The following RSAD1 variants were observed in gnomAD, a reference collection of about 807,000 sequenced individuals.
The protein encoded by RSAD1 is radical S-adenosyl methionine domain-containing protein 1, mitochondrial.
Under a neutral mutation model 46.2 loss-of-function variants are expected in RSAD1, and 34 were observed. The ratio of observed to expected loss-of-function variants is 0.74; its 90% CI spans 0.56 to 0.98. RSAD1 has a LOEUF of 0.98. Among genes scored for constraint, RSAD1 ranks in the 50% least tolerant of loss-of-function variants. The pLI is 0.00. For missense variants in RSAD1, 635 were observed against 592.3 expected, an observed-to-expected ratio of 1.07 and a Z score of -0.75; for synonymous variants, 260 against 253.5, an observed-to-expected ratio of 1.03 and a Z score of -0.24.
chr17:50,482,094 CT>C lies in RSAD1; in HGVS notation c.479del (p.Leu160GlnfsTer35). On this transcript the variant is annotated frameshift_variant, in exon 4 of 9. Coordinates refer to ENST00000258955, the MANE Select transcript of RSAD1 (RefSeq NM_018346.3). LOFTEE classifies it high-confidence loss of function. Reference protein sequence around the residue: ...VNRLSIGLQSLDDTELRLLGR... With the variant: ...VNRLSIGLQSXDDTELRLLGR... ...TACACCCACCCTCTTTTCCCAGTCC[CT>C]AGATGACACTGAGCTCCGGCTGTTG... The C allele has an allele frequency of 6.4e-7, 1 of 1,558,878 alleles. No individual in the cohort carries two copies. Among genetic ancestry groups the C allele is most frequent in the South Asian group, 1.2e-5 (1 of 83,576 alleles).
Position 50,478,901 on chromosome 17 carries a change from C to A in RSAD1, c.17C>A (p.Ala6Asp), listed in dbSNP as rs377346720. The change falls in exon 1 of 9, where the codon GCC (alanine) becomes GAC (aspartate). Residue 6 changes from alanine (A) to aspartate (D), a missense_variant. By Grantham distance (126) the Ala-to-Asp change is moderately radical. Coordinates refer to ENST00000258955, the MANE Select transcript of RSAD1 (RefSeq NM_018346.3). MALPG[A>D]RARGWAAAAR... ...CTGGGCGCCATGGCGCTCCCCGGAG[C>A]CCGGGCTCGCGGCTGGGCGGCAGCA... 6.8e-6 allele frequency: 9 copies of A among 1,315,952 alleles called. No individual in the cohort carries two copies. The East Asian group carries it at 2.8e-4, about 41-fold the overall frequency. The allele number at this position is 1,315,952 out of a possible 1,614,324, so 81.5% of individuals were successfully genotyped here. A position where few individuals can be genotyped will look rare whatever the true frequency, so the allele number is the denominator to read the frequency against.
At chr17:50,484,413 C>T in intron 7 of RSAD1, 29 bp from the exon 8 acceptor site, 1 of 1,604,932 alleles carries the variant, frequency 6.2e-7, no homozygotes, top group Non-Finnish European at 8.5e-7. Context: ...CAGGCCAGCT[C>T]CCCACCTCTG....
chr17:50,481,387 G>A (rs139437470), intron 3 of RSAD1, among the ~76,000 whole-genome samples: 37 of 152,372 alleles, frequency 2.4e-4, no homozygotes, highest in African/African-American at 8.7e-4. Context: ...AGTATTTAGA[G>A]GTTAGGGAGT....
intron 7 of RSAD1, chr17:50,484,128 A>T (rs906545777): frequency 3.2e-5 from 14 of 436,836 alleles, no homozygotes; most frequent in Admixed American, 1.6e-4. Flanking sequence ...GTAGATAATT[A>T]TCAAGCAAAT....
intron 8 of RSAD1, 64 bp downstream of exon 8, chr17:50,484,609 C>T: frequency 1.9e-6 from 3 of 1,559,960 alleles, no homozygotes; most frequent in Admixed American, 1.7e-5. Context: ...CTACAGCTCT[C>T]CACAGACCCA....
At position 50,482,648 on chromosome 17, in the gene RSAD1, G is replaced by A. The variant is rs764055701; in HGVS notation, c.846G>A (p.Ala282=). The A allele has an allele frequency of 3.1e-6, 5 of 1,614,042 alleles. No homozygotes were observed. The South Asian group carries it at 4.4e-5, about 14-fold the overall frequency. Residue 282 remains alanine (A), a synonymous_variant, in exon 5 of 9, where the codon GCG becomes GCA. Transcript: ENST00000258955. ...TATTTCCTCCCTCCCCGCAGGGGGCGCTCAGTACCCACAATTGGACTTACT... is the reference window on the plus strand; with the variant it reads ...TATTTCCTCCCTCCCCGCAGGGGGCACTCAGTACCCACAATTGGACTTACT... The part of the protein sequence containing the change: ...YEVSNFARNG[A]LSTHNWTYWQ...
At position 50,479,888 on chromosome 17, in the gene RSAD1, CTG is replaced by C. The variant is rs773831991; in HGVS notation, c.282_283del (p.Phe95LeufsTer38). ...CCATTCTCTTTCCCCAGGGTGGAGT[CTG>C]TGTTCTTTGGTGGGGGGACCCCCAG... is the stretch of plus-strand genomic sequence containing the variant. On this transcript the variant is annotated frameshift_variant, in exon 3 of 9. Transcript: ENST00000258955. LOFTEE classifies it high-confidence loss of function. 8.7e-5 allele frequency: 140 copies of C among 1,612,758 alleles called. 1 individual carries two copies. The South Asian group carries it at 1.5e-3, about 17-fold the overall frequency.
intron 7 of RSAD1, chr17:50,484,230 G>T (rs1021408670): frequency 3.6e-6 from 2 of 556,708 alleles, no homozygotes; most frequent in Admixed American, 3.2e-5. Flanking sequence ...GGAAGGCCTG[G>T]CTTGGCTGGA....
chr17:50,479,950 G>C lies in RSAD1; in HGVS notation c.340G>C (p.Glu114Gln). ...ASPHTVAAVL[E>Q]AVAQAAHLPA... ...TCCCCACACGGTGGCTGCTGTCCTG[G>C]AGGCTGTGGCACAGGCAGCCCACCT... is the stretch of plus-strand genomic sequence containing the variant. Residue 114 changes from glutamate (E) to glutamine (Q), a missense_variant, in exon 3 of 9, where the codon GAG becomes CAG. By Grantham distance (29) the Glu-to-Gln change is conservative (BLOSUM62 2). Coordinates refer to ENST00000258955, the MANE Select transcript of RSAD1 (RefSeq NM_018346.3). The C allele has an allele frequency of 1.2e-6, 2 of 1,614,172 alleles. No individual in the cohort carries two copies. Among genetic ancestry groups the C allele is most frequent in the Non-Finnish European group, 1.7e-6 (2 of 1,180,026 alleles).
In RSAD1 at chr17:50,482,064, A is replaced by G. The variant is rs77869179; in HGVS notation, c.475-27A>G. 3.1e-3 allele frequency: 4,653 copies of G among 1,502,588 alleles called. 148 individuals carry two copies. In the African/African-American group the frequency reaches 0.059, roughly 19 times the overall value. The allele number at this position is 1,502,588 out of a possible 1,614,324, so 93.1% of individuals were successfully genotyped here. A position where few individuals can be genotyped will look rare whatever the true frequency, so the allele number is the denominator to read the frequency against. On this transcript the variant is annotated intron_variant, in intron 3 of 8. Transcript: ENST00000258955. ...TCTTGTCTCTCTCTGAGCTGCTGGTATGCTTACACCCACCCTCTTTTCCCA... is the reference window on the plus strand; with the variant it reads ...TCTTGTCTCTCTCTGAGCTGCTGGTGTGCTTACACCCACCCTCTTTTCCCA...
chr17:50,482,632 C>T lies in RSAD1; in HGVS notation c.841-11C>T. 2 of 1,614,072 alleles carry T rather than the reference C, an allele frequency of 1.2e-6. No homozygotes were observed. Among genetic ancestry groups the T allele is most frequent in the Non-Finnish European group, 1.7e-6 (2 of 1,179,986 alleles). On this transcript the variant is annotated splice_polypyrimidine_tract_variant and intron_variant, in intron 4 of 8. Transcript: ENST00000258955. ...CCTCTTCACTCTGCACTATTTCCTCCCTCCCCGCAGGGGGCGCTCAGTACC... is the reference window on the plus strand; with the variant it reads ...CCTCTTCACTCTGCACTATTTCCTCTCTCCCCGCAGGGGGCGCTCAGTACC...
In RSAD1 at chr17:50,482,807, T is replaced by G. The variant is rs2033398421; in HGVS notation, c.904+101T>G. 4 of 1,167,946 alleles carry G rather than the reference T, an allele frequency of 3.4e-6. No homozygotes were observed. The Admixed American group carries it at 6.8e-5, about 20-fold the overall frequency. The allele number at this position is 1,167,946 out of a possible 1,614,324, so 72.3% of individuals were successfully genotyped here. On this transcript the variant is annotated intron_variant, in intron 5 of 8. Transcript: ENST00000258955. ...CTCTCCAAGCCTCTATTTTCTCATA[T>G]GTAAAATGTGGCAAAAAATAATACC...
intron 6 of RSAD1, 92 bp downstream of exon 6, chr17:50,483,579 G>A (rs2033412387): frequency 1.3e-6 from 2 of 1,590,828 alleles, no homozygotes; most frequent in Non-Finnish European, 1.7e-6. Context: ...GTCTTGTCCT[G>A]GCCCCTGCCT....
rs370900144 is a variant in RSAD1 at position 50,483,780 on chromosome 17, G to A, written c.1107+20G>A. ...CACCAGGTAAGGAGTTAGGATTCTT[G>A]CACACCACTCCCTCCTAAAGTCTTG... On this transcript the variant is annotated intron_variant, in intron 7 of 8. Coordinates refer to ENST00000258955, the MANE Select transcript of RSAD1 (RefSeq NM_018346.3). 672 of 1,600,870 alleles carry A rather than the reference G, an allele frequency of 4.2e-4. No individual in the cohort carries two copies. Among genetic ancestry groups the A allele is most frequent in the Non-Finnish European group, 5.3e-4 (621 of 1,175,236 alleles).
chr17:50,482,797 T>C, intron 5 of RSAD1, 91 bp downstream of exon 5: 1 of 1,227,276 alleles, frequency 8.1e-7, no homozygotes, highest in South Asian at 1.4e-5. Flanking sequence ...CAAGCCTCTA[T>C]TTTCTCATAT....
chr17:50,484,263 A>G, intron 7 of RSAD1, 179 bp from the exon 8 acceptor site: 1 of 586,688 alleles, frequency 1.7e-6, no homozygotes. Context: ...GTCTCAGTGG[A>G]ATAGGAGTGA....
chr17:50,483,748 G>GTGGT lies in RSAD1; in HGVS notation c.1095_1096insTGGT (p.Ile366TrpfsTer11). 1.2e-6 allele frequency: 2 copies of GTGGT among 1,610,458 alleles called. No individual in the cohort carries two copies. The highest frequency in any genetic ancestry group is 1.7e-6 in the Non-Finnish European group (2 of 1,178,972). On this transcript the variant is annotated frameshift_variant, in exon 7 of 9. Coordinates refer to ENST00000258955, the MANE Select transcript of RSAD1 (RefSeq NM_018346.3). LOFTEE classifies it high-confidence loss of function. Reference sequence around the variant, plus strand: ...CCCTGGGGCTACGCACCGATGTGGGGATCACTCACCAGGTAAGGAGTTAGG... The same window carrying GTGGT: ...CCCTGGGGCTACGCACCGATGTGGGGTGGTATCACTCACCAGGTAAGGAGTTAGG...
chr17:50,480,316 T>G, intron 3 of RSAD1: 1 of 556,550 alleles, frequency 1.8e-6, no homozygotes, highest in Non-Finnish European at 3.2e-6. Context: ...ACACTTACCA[T>G]AGTGCCTGGC....
In RSAD1 at chr17:50,484,454, T is replaced by C; in HGVS notation, c.1120T>C (p.Phe374Leu). The part of the protein sequence containing the change: ...VGITHQHWQQ[F>L]EPQLTLWDVF... ...CTGGCTTCCCCAGCACTGGCAGCAGTTTGAGCCCCAGCTGACCCTGTGGGA... is the reference window on the plus strand; with the variant it reads ...CTGGCTTCCCCAGCACTGGCAGCAGCTTGAGCCCCAGCTGACCCTGTGGGA... The change falls in exon 8 of 9, where the codon TTT becomes CTT. Residue 374 changes from phenylalanine to leucine, a missense_variant. Coordinates refer to ENST00000258955, the MANE Select transcript of RSAD1 (RefSeq NM_018346.3). 1 of 1,613,540 alleles carries C rather than the reference T, an allele frequency of 6.2e-7. No homozygotes were observed. Among genetic ancestry groups the C allele is most frequent in the Non-Finnish European group, 8.5e-7 (1 of 1,179,912 alleles).
Sources: gnomAD v4.1 joint callset for allele counts (sites outside exome capture counted in the v4.1 genomes callset) on GRCh38, gnomAD v4.1.1 for gene constraint, MANE v1.5 for transcripts, NCBI Gene and HGNC (gene_info 2026-07-23, HGNC 2026-07-21) for gene names.